Variants in TMEM63B observed in about 807,000 individuals in gnomAD.
The protein encoded by TMEM63B is transmembrane protein 63B, also known as mechanosensitive cation channel TMEM63B.
TMEM63B carries 23 observed loss-of-function variants against 102.6 expected under a neutral mutation model. The observed-to-expected ratio is 0.22, with a 90% CI of 0.16 to 0.32. The LOEUF (loss-of-function observed/expected upper bound fraction) is 0.32, where lower values mean the gene tolerates loss of function less well. Ranked by LOEUF, TMEM63B falls within the 10% of genes least tolerant of loss-of-function variation. TMEM63B has a pLI of 1.00. For missense variants in TMEM63B, 628 were observed against 1,095.9 expected, an observed-to-expected ratio of 0.57 and a Z score of 6.03; for synonymous variants, 444 against 437.0, an observed-to-expected ratio of 1.02 and a Z score of -0.20.
Position 44,141,111 on chromosome 6 carries a change from C to T in TMEM63B, c.782+13C>T, listed in dbSNP as rs12528844. The T allele has an allele frequency of 0.049, 78,265 of 1,612,704 alleles. 4,070 individuals are homozygous for T. The highest frequency in any genetic ancestry group is 0.26 in the East Asian group (11,700 of 44,838). Reference sequence around the variant, plus strand: ...AGAAGCATTTTGAGTGAGTAAGCCACGCTTCCCCCTACCCTCAAGCCCTGC... The same window carrying T: ...AGAAGCATTTTGAGTGAGTAAGCCATGCTTCCCCCTACCCTCAAGCCCTGC... On this transcript the variant is annotated intron_variant, in intron 10 of 23. Transcript: ENST00000323267.
intron 5 of TMEM63B, 73 bp downstream of exon 5, chr6:44,136,512 C>G: frequency 2.8e-6 from 3 of 1,058,834 alleles, no homozygotes; most frequent in Non-Finnish European, 4.2e-6. Flanking sequence ...AAGTCCCTCA[C>G]TTTCAGTGAT....
At chr6:44,133,514 A>T (rs1762342048) in intron 1 of TMEM63B, among the ~76,000 whole-genome samples, 1 of 152,060 alleles carries the variant, frequency 6.6e-6, no homozygotes, top group Non-Finnish European at 1.5e-5. Flanking sequence ...CCCCCAGTAA[A>T]ATGGGTGGGG....
chr6:44,147,391 G>A lies in TMEM63B; in HGVS notation c.878G>A (p.Arg293Gln), dbSNP rs1765642697. 3 of 1,614,076 alleles carry A rather than the reference G, an allele frequency of 1.9e-6. No individual in the cohort carries two copies. Among genetic ancestry groups the A allele is most frequent in the Admixed American group, 1.7e-5 (1 of 60,008 alleles). Residue 293 changes from arginine (R) to glutamine (Q), a missense_variant, in exon 12 of 24, where the codon CGG becomes CAG. Arg to Gln is a conservative substitution (Grantham distance 43). Around this residue, in one of 6 missense-constraint regions of TMEM63B, gnomAD observed 336 missense variants for 580.3 expected, o/e 0.58. Coordinates refer to ENST00000323267, the MANE Select transcript of TMEM63B (RefSeq NM_018426.3). ...GGGTCCCACAGGAAGAAGGCCGAGCGGGGAAAGCTGTACTTCACAAACCTC... is the reference window on the plus strand; with the variant it reads ...GGGTCCCACAGGAAGAAGGCCGAGCAGGGAAAGCTGTACTTCACAAACCTC... ...FLDAERKKAERGKLYFTNLQS... is the reference protein window; with the variant it reads ...FLDAERKKAEQGKLYFTNLQS...
intron 1 of TMEM63B, among the ~76,000 whole-genome samples, chr6:44,133,000 T>C (rs1408322980): frequency 6.6e-6 from 1 of 152,232 alleles, no homozygotes; most frequent in Non-Finnish European, 1.5e-5. Context: ...TCTGAGGCCC[T>C]GTGCCCCCAC....
intron 4 of TMEM63B, 41 bp from the exon 5 acceptor site, chr6:44,136,308 A>G: frequency 2.5e-6 from 4 of 1,580,882 alleles, no homozygotes; most frequent in Non-Finnish European, 3.5e-6. Flanking sequence ...GGGGGCTCAG[A>G]CTCACCAGGC....
intron 1 of TMEM63B, 74 bp from the exon 2 acceptor site, chr6:44,134,487 C>T: frequency 7.4e-6 from 11 of 1,491,320 alleles, no homozygotes; most frequent in Non-Finnish European, 9.9e-6. Flanking sequence ...TCACTGCCCC[C>T]TCCCCACGCC....
Position 44,154,353 on chromosome 6 carries a change from G to A in TMEM63B, c.2227-12G>A. 6.2e-7 allele frequency: 1 copy of A among 1,613,792 alleles called. No homozygotes were observed. The highest frequency in any genetic ancestry group is 1.1e-5 in the South Asian group (1 of 91,070). Reference sequence around the variant, plus strand: ...ATGCCCCCACTTCCTGACTCATTCTGGGCCCCTCAAGATTGAGCACACGGA... The same window carrying A: ...ATGCCCCCACTTCCTGACTCATTCTAGGCCCCTCAAGATTGAGCACACGGA... On this transcript the variant is annotated splice_polypyrimidine_tract_variant and intron_variant, in intron 22 of 23. Coordinates refer to ENST00000323267, the MANE Select transcript of TMEM63B (RefSeq NM_018426.3).
chr6:44,128,394 A>G (rs774309519), intron 1 of TMEM63B, among the ~76,000 whole-genome samples: 9 of 152,180 alleles, frequency 5.9e-5, no homozygotes, highest in Admixed American at 2.0e-4. Context: ...CAGACGCGAA[A>G]CCGAGAGTGG....
intron 5 of TMEM63B, 47 bp from the exon 6 acceptor site, chr6:44,138,433 G>C (rs766388897): frequency 1.2e-6 from 2 of 1,613,338 alleles, no homozygotes; most frequent in South Asian, 2.2e-5. Flanking sequence ...AGAGAGGTTC[G>C]GGTTGGTGGG....
intron 1 of TMEM63B, among the ~76,000 whole-genome samples, chr6:44,134,230 AG>A (rs1389696199): frequency 6.6e-6 from 1 of 152,020 alleles, no homozygotes; most frequent in African/African-American, 2.4e-5. Flanking sequence ...AGAGAATGAG[AG>A]TGTGGGGGTG....
At chr6:44,143,312 T>C (rs777454603) in intron 10 of TMEM63B, among the ~76,000 whole-genome samples, 8 of 152,228 alleles carry the variant, frequency 5.3e-5, no homozygotes, top group Non-Finnish European at 8.8e-5. Flanking sequence ...CCAGCCCTTA[T>C]ACAGGCTATA....
At chr6:44,138,107 G>C (rs1346236710) in intron 5 of TMEM63B, among the ~76,000 whole-genome samples, 1 of 152,170 alleles carries the variant, frequency 6.6e-6, no homozygotes, top group East Asian at 1.9e-4. Context: ...CCTCTTCTCT[G>C]CTTTTGGCAG....
At chr6:44,131,062 C>T (rs77714575) in intron 1 of TMEM63B, among the ~76,000 whole-genome samples, 8,380 of 151,892 alleles carry the variant, frequency 0.055, 449 homozygotes, top group East Asian at 0.22. Flanking sequence ...GGACTACAGA[C>T]GCATGCCACC....
intron 1 of TMEM63B, among the ~76,000 whole-genome samples, chr6:44,131,492 G>A (rs1342636794): frequency 5.9e-5 from 9 of 151,956 alleles, no homozygotes; most frequent in Admixed American, 2.6e-4. Flanking sequence ...AGGCCGAGGT[G>A]GGCAGATCAT....
In TMEM63B at chr6:44,155,069, CAGTG is replaced by C. The variant is rs1294756151; in HGVS notation, c.*189_*192del. 1.8e-5 allele frequency: 10 copies of C among 567,158 alleles called. No homozygotes were observed. The highest frequency in any genetic ancestry group is 1.1e-4 in the South Asian group (3 of 28,172). The allele number at this position is 567,158 out of a possible 1,614,324, so 35.1% of individuals were successfully genotyped here. A position where few individuals can be genotyped will look rare whatever the true frequency, so the allele number is the denominator to read the frequency against. On this transcript the variant is annotated 3_prime_UTR_variant, in exon 24 of 24. Transcript: ENST00000323267. ...ATGGAGGGAGGGAGCCCCCCAACCT[CAGTG>C]AGGAGAGCCCCGAGCCGGCCCCGGG...
chr6:44,138,295 A>G, intron 5 of TMEM63B, 185 bp from the exon 6 acceptor site: 1 of 663,216 alleles, frequency 1.5e-6, no homozygotes, highest in Non-Finnish European at 2.7e-6. Flanking sequence ...TTGAGGGCTG[A>G]GACCTTCCCT....
At chr6:44,154,236 G>A (rs761236373) in intron 22 of TMEM63B, 48 bp downstream of exon 22, 10 of 1,605,330 alleles carry the variant, frequency 6.2e-6, no homozygotes, top group African/African-American at 1.3e-5. Context: ...GGAGCTCAAG[G>A]GGAGGAATGC....
At chr6:44,147,818 A>G (rs1765734685) in intron 12 of TMEM63B, among the ~76,000 whole-genome samples, 1 of 152,154 alleles carries the variant, frequency 6.6e-6, no homozygotes, top group Non-Finnish European at 1.5e-5. Flanking sequence ...TAAAGTGAGT[A>G]ATACATATAA....
chr6:44,141,178 T>G, intron 10 of TMEM63B, 80 bp downstream of exon 10: 1 of 1,365,082 alleles, frequency 7.3e-7, no homozygotes, highest in Non-Finnish European at 1.0e-6. Flanking sequence ...AACATCCTTA[T>G]ACCCTAGCCT....
Sources: allele counts gnomAD v4.1 joint callset (sites outside exome capture counted in the v4.1 genomes callset), GRCh38; gene constraint gnomAD v4.1.1; regional missense constraint gnomAD v4.1.1; transcripts MANE v1.5; gene names NCBI Gene and HGNC (gene_info 2026-07-23, HGNC 2026-07-21).